The following TCHP variants were observed in gnomAD, a reference collection of about 807,000 sequenced individuals.
TCHP encodes the protein trichoplein keratin filament binding, also known as trichoplein keratin filament-binding protein.
Under a neutral mutation model 88.7 loss-of-function variants are expected in TCHP, and 81 were observed. The ratio of observed to expected loss-of-function variants is 0.91; its 90% confidence interval spans 0.76 to 1.10. The LOEUF (loss-of-function observed/expected upper bound fraction) is 1.10. Among genes scored for constraint, TCHP ranks in the 50% least tolerant of loss-of-function variants. The pLI, the probability that TCHP is intolerant of heterozygous loss-of-function variation, is 0.00. For missense variants in TCHP, 641 were observed against 632.1 expected, an observed-to-expected ratio of 1.01 and a Z score of -0.15; for synonymous variants, 232 against 232.5, an observed-to-expected ratio of 1.00 and a Z score of 0.02.
At chr12:109,907,745 G>C in intron 6 of TCHP, 46 bp downstream of exon 6, 1 of 1,548,614 alleles carries the variant, frequency 6.5e-7, no homozygotes, top group Non-Finnish European at 8.7e-7. Flanking sequence ...ACAGCTGCTC[G>C]TTAGCATGAG....
chr12:109,915,934 C>T (rs532926841), intron 12 of TCHP, among the ~76,000 whole-genome samples: 1 of 152,246 alleles, frequency 6.6e-6, no homozygotes, highest in South Asian at 2.1e-4. Context: ...CTCCTCACCT[C>T]CCCTCCCTCC....
chr12:109,917,158 T>C lies in TCHP; in HGVS notation c.*535T>C, dbSNP rs1262009279. On this transcript the variant is annotated 3_prime_UTR_variant, in exon 13 of 13. Coordinates refer to ENST00000405876, the MANE Select transcript of TCHP (RefSeq NM_001143852.2). ...CTTTTATATTCTGGAAGAAAAGAAC[T>C]GTGAACAAATTAGAACCCCGGAACA... 6.6e-6 allele frequency: 1 copy of C among 152,318 alleles called. No individual in the cohort carries two copies. The highest frequency in any genetic ancestry group is 6.5e-5 in the Admixed American group (1 of 15,286). 9.4% of individuals were successfully genotyped at this position (152,318 alleles called of 1,614,324 possible).
chr12:109,890,501 T>C, the TCHP span, among the ~76,000 whole-genome samples: 2 of 151,338 alleles, frequency 1.3e-5, no homozygotes, highest in African/African-American at 2.4e-5. Context: ...CCAACCTTTT[T>C]CTTTTTTCTA....
intron 10 of TCHP, among the ~76,000 whole-genome samples, chr12:109,913,621 C>T (rs183853632): frequency 9.8e-5 from 15 of 152,306 alleles, no homozygotes; most frequent in African/African-American, 3.6e-4. Context: ...TAACTGCTTT[C>T]CTGGTCAGTG....
At position 109,908,699 on chromosome 12, in the gene TCHP, G is replaced by C. The variant is rs1870300317; in HGVS notation, c.812+1G>C. 1 of 1,591,090 alleles carries C rather than the reference G, an allele frequency of 6.3e-7. No individual in the cohort carries two copies. The highest frequency in any genetic ancestry group is 1.1e-5 in the South Asian group (1 of 87,486). ...CCTTCCGGCAGAAGGCAGAGCTGGG[G>C]TGTGTGTCAGAAGGGCCCCCCACTC... On this transcript the variant is annotated splice_donor_variant, in intron 7 of 12. Transcript: ENST00000405876. LOFTEE classifies it high-confidence loss of function.
chr12:109,895,900 C>A (rs1367934221), upstream of TCHP, among the ~76,000 whole-genome samples: 2 of 152,180 alleles, frequency 1.3e-5, no homozygotes, highest in African/African-American at 4.8e-5. Flanking sequence ...AGTCATTGAC[C>A]TGTCATTGAA....
rs763070172 is a variant in TCHP, at chr12:109,903,054, T to C, written c.28T>C (p.Trp10Arg). Reference sequence around the variant, plus strand: ...GGCGCTCCCGACGCTGCCGTCCTACTGGTGCAGCCAGCAGCGCCTGAATCA... The same window carrying C: ...GGCGCTCCCGACGCTGCCGTCCTACCGGTGCAGCCAGCAGCGCCTGAATCA... Reference protein sequence around the residue: MALPTLPSYWCSQQRLNQQL... With the variant: MALPTLPSYRCSQQRLNQQL... The change falls in exon 2 of 13, where the codon TGG (tryptophan) becomes CGG (arginine). Residue 10 changes from tryptophan (W) to arginine (R), a missense_variant. Trp to Arg is a moderately radical substitution (Grantham distance 101, BLOSUM62 -3). Coordinates refer to ENST00000405876, the MANE Select transcript of TCHP (RefSeq NM_001143852.2). The surrounding 1 kb of genome is among the most constrained non-coding windows in gnomAD (Gnocchi z 4.6). 4 of 1,611,872 alleles carry C rather than the reference T, an allele frequency of 2.5e-6. No homozygotes were observed. In the Admixed American group the frequency reaches 6.7e-5, roughly 27 times the overall value.
Position 109,904,116 on chromosome 12 carries a change from T to C in TCHP, c.368T>C (p.Leu123Pro), listed in dbSNP as rs756552969. The C allele has an allele frequency of 1.3e-6, 2 of 1,582,882 alleles. No homozygotes were observed. Among genetic ancestry groups the C allele is most frequent in the South Asian group, 1.2e-5 (1 of 86,784 alleles). The change falls in exon 3 of 13, where the codon CTG becomes CCG. Residue 123 changes from leucine to proline, a missense_variant. By Grantham distance (98) the Leu-to-Pro change is moderately conservative (BLOSUM62 -3). Coordinates refer to ENST00000405876, the MANE Select transcript of TCHP (RefSeq NM_001143852.2). ...AGAATCCGGGAGCAGCACGGGAAGCTGAAATCAGCCAAAGAAGAGCAGAGG... is the reference window on the plus strand; with the variant it reads ...AGAATCCGGGAGCAGCACGGGAAGCCGAAATCAGCCAAAGAAGAGCAGAGG... The part of the protein sequence containing the change: ...ERRIREQHGK[L>P]KSAKEEQRKL...
rs1358281044 is a variant in TCHP, at chr12:109,909,757, G to C, written c.879+820G>C. Reference sequence around the variant, plus strand: ...AGGCGGGCGGATCACCTGTGGTCAGGAGTTTGAGACCAGCCTGGCCAATGT... The same window carrying C: ...AGGCGGGCGGATCACCTGTGGTCAGCAGTTTGAGACCAGCCTGGCCAATGT... On this transcript the variant is annotated intron_variant, in intron 8 of 12. Transcript: ENST00000405876. Among the ~76,000 whole-genome samples, 4 of 152,186 alleles carry C rather than the reference G, an allele frequency of 2.6e-5. 1 individual carries two copies. In the East Asian group the frequency reaches 7.7e-4, roughly 29 times the overall value.
upstream of TCHP, among the ~76,000 whole-genome samples, chr12:109,899,078 C>T (rs2136062433): frequency 6.6e-6 from 1 of 152,282 alleles, no homozygotes; most frequent in East Asian, 1.9e-4. Flanking sequence ...CTGGGCCTCC[C>T]AAAGTGCTGG....
chr12:109,903,902 G>A lies in TCHP; in HGVS notation c.189-35G>A. The A allele has an allele frequency of 6.5e-7, 1 of 1,544,430 alleles. No individual in the cohort carries two copies. The highest frequency in any genetic ancestry group is 8.8e-7 in the Non-Finnish European group (1 of 1,133,658). ...GCAGAGCACGTTCCCTGTGGCTGTA[G>A]CATGATTGATTCAGGCAGGCCCCCT... On this transcript the variant is annotated intron_variant, in intron 2 of 12. Transcript: ENST00000405876. This position sits in a 1 kb window ranked among gnomAD's most constrained non-coding sequence, Gnocchi z 4.6.
chr12:109,914,845 C>G, intron 11 of TCHP: 1 of 516,944 alleles, frequency 1.9e-6, no homozygotes, highest in South Asian at 2.2e-5. Context: ...GTACTGCTGT[C>G]TGTTCTCTTT....
chr12:109,900,677 T>C (rs1458189814), intron 1 of TCHP: 1 of 152,252 alleles, frequency 6.6e-6, no homozygotes, highest in Non-Finnish European at 1.5e-5. Flanking sequence ...TCTTAAACTT[T>C]TAACTCTTGG....
chr12:109,911,625 A>G (rs1870499569), intron 9 of TCHP, among the ~76,000 whole-genome samples: 1 of 150,970 alleles, frequency 6.6e-6, no homozygotes, highest in Non-Finnish European at 1.5e-5. Context: ...AAAAAAAAAA[A>G]AAAAAAAAGA....
At chr12:109,913,982 C>T (rs1016841494) in intron 10 of TCHP, among the ~76,000 whole-genome samples, 34 of 152,138 alleles carry the variant, frequency 2.2e-4, no homozygotes, top group African/African-American at 6.8e-4. Context: ...AGATGTCACA[C>T]GGCTCTGGGG....
the TCHP span, among the ~76,000 whole-genome samples, chr12:109,882,677 T>C: frequency 7.6e-6 from 1 of 130,960 alleles, no homozygotes; most frequent in African/African-American, 3.1e-5. Flanking sequence ...TTTTTTGAGA[T>C]GGAGTCTCAC....
At chr12:109,882,521 G>A in the TCHP span, among the ~76,000 whole-genome samples, 1 of 151,958 alleles carries the variant, frequency 6.6e-6, no homozygotes, top group African/African-American at 2.4e-5. Context: ...GGAATCGGGG[G>A]GCCAGGGGAG....
At position 109,903,206 on chromosome 12, in the gene TCHP, C is replaced by A. The variant is rs1869916700; in HGVS notation, c.180C>A (p.Tyr60Ter). ...CAGAATGGAGCTCTAAAACCTCCTA[C>A]CAGCGGAGGTAATTGTGCGGTAACT... ...KQAEWSSKTS[Y>*]QRSMHAYQRE... The change falls in exon 2 of 13, where the codon TAC becomes TAA. Residue 60 changes from tyrosine to a stop codon, truncating the protein, a stop_gained. Transcript: ENST00000405876. LOFTEE classifies it high-confidence loss of function. The surrounding 1 kb of genome is among the most constrained non-coding windows in gnomAD (Gnocchi z 4.6). 1 of 1,609,710 alleles carries A rather than the reference C, an allele frequency of 6.2e-7. No homozygotes were observed. Among genetic ancestry groups the A allele is most frequent in the Admixed American group, 1.7e-5 (1 of 59,888 alleles).
At position 109,905,501 on chromosome 12, in the gene TCHP, G is replaced by A. The variant is rs1247195365; in HGVS notation, c.456+708G>A. 1.3e-5 allele frequency among the ~76,000 whole-genome samples: 2 copies of A among 152,244 alleles called. No homozygotes were observed. Among genetic ancestry groups the A allele is most frequent in the East Asian group, 3.8e-4 (2 of 5,198 alleles). On this transcript the variant is annotated intron_variant, in intron 4 of 12. Coordinates refer to ENST00000405876, the MANE Select transcript of TCHP (RefSeq NM_001143852.2). The surrounding 1 kb of genome is among the most constrained non-coding windows in gnomAD (Gnocchi z 4.0). ...GCCGACAGGGAGGGGTGCTGCGACA[G>A]CCCAGCCGGGGGTTGGTGAAGGCCT...
Sources: gnomAD v4.1 joint callset for allele counts (sites outside exome capture counted in the v4.1 genomes callset) on GRCh38, gnomAD v4.1.1 for gene constraint, Gnocchi (gnomAD v3.1) non-coding constraint, MANE v1.5 for transcripts, NCBI Gene and HGNC (gene_info 2026-07-23, HGNC 2026-07-21) for gene names.